LAMC1: variants seen among roughly 807,000 people sequenced by gnomAD.
LAMC1 encodes laminin subunit gamma-1.
LAMC1 carries 38 observed loss-of-function variants against 173.6 expected under a neutral mutation model. The observed-to-expected ratio is 0.22, with a 90% CI of 0.17 to 0.29. LAMC1 has a LOEUF of 0.29. LAMC1 is among the 10% of genes least tolerant of loss of function. The pLI is 1.00. For missense variants in LAMC1, 1,824 were observed against 2,051.8 expected (o/e 0.89, Z 2.14); for synonymous variants, 746 against 749.1 (o/e 1.00, Z 0.07).
At chr1:183,110,971 T>A (rs1377118569) in intron 4 of LAMC1, among the ~76,000 whole-genome samples, 1 of 152,262 alleles carries the variant, frequency 6.6e-6, no homozygotes, top group Non-Finnish European at 1.5e-5. Context: ...TCTCTAGTCG[T>A]ATTTGTTCCC....
intron 1 of LAMC1, among the ~76,000 whole-genome samples, chr1:183,051,750 A>G (rs1357447197): frequency 1.3e-5 from 2 of 152,200 alleles, no homozygotes; most frequent in Non-Finnish European, 2.9e-5. Flanking sequence ...CTAGAGAGCC[A>G]TGGGAGAGGA....
intron 1 of LAMC1, among the ~76,000 whole-genome samples, chr1:183,039,900 G>A (rs894499607): frequency 4.6e-5 from 7 of 152,166 alleles, no homozygotes; most frequent in Non-Finnish European, 1.0e-4. Context: ...GGAAAGGTAG[G>A]TATCTGCTTT....
intron 1 of LAMC1, among the ~76,000 whole-genome samples, chr1:183,056,896 G>A (rs186595645): frequency 1.4e-4 from 21 of 152,312 alleles, no homozygotes; most frequent in Admixed American, 5.2e-4. Context: ...TGCTCAGAAG[G>A]TGTATGCTTT....
chr1:183,125,151 A>G (rs1656585517), intron 14 of LAMC1: 5 of 591,374 alleles, frequency 8.5e-6, no homozygotes, highest in Non-Finnish European at 1.5e-5. Flanking sequence ...ATAAGTAATC[A>G]ATAAAAATTG....
chr1:183,044,255 TG>T (rs1384136290), intron 1 of LAMC1, among the ~76,000 whole-genome samples: 1 of 152,180 alleles, frequency 6.6e-6, no homozygotes, highest in Non-Finnish European at 1.5e-5. Flanking sequence ...TGTTGTCCTC[TG>T]GGCTTTACTG....
chr1:183,141,461 G>A lies in LAMC1; in HGVS notation c.4573+958G>A, dbSNP rs551294424. 6.2e-4 allele frequency among the ~76,000 whole-genome samples: 95 copies of A among 152,298 alleles called. 1 individual carries two copies. In the Middle Eastern group the frequency reaches 0.024, roughly 38 times the overall value. Reference sequence around the variant, plus strand: ...ATTTTTCAAGGAAATCTATGCATACGGAAACCTTCTTTTAATCCAGTTTGA... The same window carrying A: ...ATTTTTCAAGGAAATCTATGCATACAGAAACCTTCTTTTAATCCAGTTTGA... On this transcript the variant is annotated intron_variant, in intron 27 of 27. Coordinates refer to ENST00000258341, the MANE Select transcript of LAMC1 (RefSeq NM_002293.4).
intron 1 of LAMC1, among the ~76,000 whole-genome samples, chr1:183,031,250 G>T (rs1318930102): frequency 1.3e-5 from 2 of 152,178 alleles, no homozygotes; most frequent in South Asian, 4.1e-4. Context: ...TTAGGCCGAT[G>T]AGCAGTAACC....
intron 4 of LAMC1, among the ~76,000 whole-genome samples, chr1:183,111,723 A>T (rs1656159331): frequency 6.6e-6 from 1 of 152,176 alleles, no homozygotes; most frequent in Non-Finnish European, 1.5e-5. Flanking sequence ...GAAAAAGAAG[A>T]TACTCTTAAC....
rs768649249 is a variant in LAMC1 at position 183,136,398 on chromosome 1, G to A, written c.4127G>A (p.Arg1376His). ...ILNNLKDFDR[R>H]VNDNKTAAEE... ...GAACTTGTTTCAGATTTTGATAGGC[G>A]TGTGAACGATAACAAGACGGCCGCA... Residue 1376 changes from arginine to histidine, a missense_variant, in exon 25 of 28, where the codon CGT becomes CAT. Arg to His is a conservative substitution (Grantham distance 29). Transcript: ENST00000258341. The A allele has an allele frequency of 7.4e-6, 12 of 1,613,868 alleles. No homozygotes were observed. In the Admixed American group the frequency reaches 8.3e-5, roughly 11 times the overall value.
chr1:183,140,404 G>C lies in LAMC1; in HGVS notation c.4474G>C (p.Ala1492Pro). The change falls in exon 27 of 28, where the codon GCT (alanine) becomes CCT (proline). Residue 1492 changes from alanine (A) to proline (P), a missense_variant and splice_region_variant. Physicochemically the swap from Ala to Pro is conservative, Grantham distance 27. Coordinates refer to ENST00000258341, the MANE Select transcript of LAMC1 (RefSeq NM_002293.4). The part of the protein sequence containing the change: ...ADQDMMMAGM[A>P]SQAAQEAEIN... Reference sequence around the variant, plus strand: ...TCTTTGCCTCATTTTTCCCTTACAGGCTTCACAGGCTGCTCAAGAAGCCGA... The same window carrying C: ...TCTTTGCCTCATTTTTCCCTTACAGCCTTCACAGGCTGCTCAAGAAGCCGA... 6.2e-7 allele frequency: 1 copy of C among 1,607,692 alleles called. No homozygotes were observed. Among genetic ancestry groups the C allele is most frequent in the African/African-American group, 1.3e-5 (1 of 74,704 alleles).
rs1460268388 is a variant in LAMC1, at chr1:183,126,235, T to G, written c.2917T>G (p.Phe973Val). ...QHCERCEVNH[F>V]GFGPEGCKPC... is the part of the protein sequence containing the mutation. ...CTGTGAGCGCTGTGAGGTCAACCAC[T>G]TTGGGTTTGGACCTGAAGGCTGCAA... Residue 973 changes from phenylalanine to valine, a missense_variant, in exon 16 of 28, where the codon TTT becomes GTT. Phe to Val is a conservative substitution (Grantham distance 50). Coordinates refer to ENST00000258341, the MANE Select transcript of LAMC1 (RefSeq NM_002293.4). 1 of 1,614,064 alleles carries G rather than the reference T, an allele frequency of 6.2e-7. No individual in the cohort carries two copies. Among genetic ancestry groups the G allele is most frequent in the Non-Finnish European group, 8.5e-7 (1 of 1,180,000 alleles).
intron 16 of LAMC1, 27 bp downstream of exon 16, chr1:183,126,289 C>G: frequency 1.2e-6 from 2 of 1,606,750 alleles, no homozygotes; most frequent in Non-Finnish European, 1.7e-6. Flanking sequence ...GCATACAACT[C>G]TAAGCTTCCA....
chr1:183,110,440 G>A lies in LAMC1; in HGVS notation c.855-48G>A, dbSNP rs772538997. ...ACATAGTTTTTCTGTGTGCATTTCT[G>A]GGACTTTGCAGCTGTTCCATTTTTT... On this transcript the variant is annotated intron_variant, in intron 3 of 27. Transcript: ENST00000258341. 100 of 1,461,924 alleles carry A rather than the reference G, an allele frequency of 6.8e-5. No homozygotes were observed. In the East Asian group the frequency reaches 2.3e-3, roughly 33 times the overall value. 90.6% of individuals were successfully genotyped at this position (1,461,924 alleles called of 1,614,324 possible).
At chr1:183,108,466 T>G in intron 3 of LAMC1, 60 bp downstream of exon 3, 3 of 1,470,682 alleles carry the variant, frequency 2.0e-6, no homozygotes, top group Non-Finnish European at 2.8e-6. Context: ...GAGGTGAATC[T>G]AGCAACTTGT....
At chr1:183,139,923 C>T (rs898867504) in intron 26 of LAMC1, among the ~76,000 whole-genome samples, 1 of 151,986 alleles carries the variant, frequency 6.6e-6, no homozygotes, top group African/African-American at 2.4e-5. Flanking sequence ...AAGAGAACTC[C>T]TAGAAGAGCT....
At position 183,058,812 on chromosome 1, in the gene LAMC1, T is replaced by TG. The variant is rs569939199; in HGVS notation, c.418+34682dup. Among the ~76,000 whole-genome samples the TG allele has an allele frequency of 8.5e-5, 13 of 152,240 alleles. No individual in the cohort carries two copies. The East Asian group carries it at 2.1e-3, about 25-fold the overall frequency. On this transcript the variant is annotated intron_variant, in intron 1 of 27. Coordinates refer to ENST00000258341, the MANE Select transcript of LAMC1 (RefSeq NM_002293.4). ...CTGGAGCATGAAAGAAGGTGATTAA[T>TG]GGGGTAGAAAAAAATTCACAAAAAG...
At chr1:183,121,966 C>T in intron 12 of LAMC1, 22 bp downstream of exon 12, 3 of 1,611,510 alleles carry the variant, frequency 1.9e-6, no homozygotes, top group Non-Finnish European at 2.5e-6. Flanking sequence ...TTTGGCAGCT[C>T]TTAGACCTAA....
At chr1:183,066,051 T>A (rs1249893136) in intron 1 of LAMC1, among the ~76,000 whole-genome samples, 2 of 152,240 alleles carry the variant, frequency 1.3e-5, no homozygotes, top group African/African-American at 2.4e-5. Flanking sequence ...ATTATTGTCA[T>A]AGTGATTATC....
intron 11 of LAMC1, among the ~76,000 whole-genome samples, chr1:183,118,966 TTGGC>T (rs1656395624): frequency 6.6e-6 from 1 of 152,084 alleles, no homozygotes; most frequent in Non-Finnish European, 1.5e-5. Context: ...TAGCATGATC[TTGGC>T]TCACTGCAAC....
Sources: allele counts gnomAD v4.1 joint callset (sites outside exome capture counted in the v4.1 genomes callset), GRCh38; gene constraint gnomAD v4.1.1; transcripts MANE v1.5; gene names NCBI Gene and HGNC (gene_info 2026-07-23, HGNC 2026-07-21).